The following GRSF1 variants were observed in gnomAD, a reference collection of about 807,000 sequenced individuals.
GRSF1 encodes the protein G-rich RNA sequence binding factor 1, also known as G-rich sequence factor 1.
A neutral mutation model predicts 51.1 loss-of-function variants in GRSF1; 50 were observed. The ratio of observed to expected loss-of-function variants is 0.98; its 90% confidence interval spans 0.78 to 1.24. GRSF1 has a LOEUF of 1.24. Ranked by LOEUF, GRSF1 falls within the 50% of genes most tolerant of loss-of-function variation. The pLI is 0.00. For synonymous variants in GRSF1, 293 were observed against 253.3 expected (o/e 1.16, Z -1.49); for missense variants, 700 against 639.7 (o/e 1.09, Z -1.02).
At chr4:70,835,129 C>CT (rs1005070632) in intron 2 of GRSF1, among the ~76,000 whole-genome samples, 122 of 152,036 alleles carry the variant, frequency 8.0e-4, no homozygotes, top group African/African-American at 2.9e-3. Flanking sequence ...TAATCTCACT[C>CT]TTTGTTATGG....
intron 8 of GRSF1, 42 bp from the exon 9 acceptor site, chr4:70,824,410 G>A (rs189234703): frequency 9.7e-7 from 1 of 1,031,862 alleles, no homozygotes; most frequent in East Asian, 2.6e-5. Flanking sequence ...AGTTGAAAAG[G>A]TAGAAAAATA....
At chr4:70,828,324 G>A (rs1240501957) in intron 5 of GRSF1, among the ~76,000 whole-genome samples, 1 of 152,106 alleles carries the variant, frequency 6.6e-6, no homozygotes, top group Non-Finnish European at 1.5e-5. Context: ...CTATGCTTAA[G>A]TTAATTGTGT....
At position 70,839,338 on chromosome 4, in the gene GRSF1, G is replaced by A. The variant is rs1002712541; in HGVS notation, c.357+133C>T. ...CAATAGGAGCACAGGGTGGACGGGG[G>A]CGGGTGTGCGGCGAGTGTCGCGGAT... On this transcript the variant is annotated intron_variant, in intron 1 of 9. Coordinates refer to ENST00000254799, the MANE Select transcript of GRSF1 (RefSeq NM_002092.4). 14 of 1,504,344 alleles carry A rather than the reference G, an allele frequency of 9.3e-6. No homozygotes were observed. The Admixed American group carries it at 1.6e-4, about 17-fold the overall frequency. 93.2% of individuals were successfully genotyped at this position (1,504,344 alleles called of 1,614,324 possible).
At chr4:70,825,977 A>G (rs1373282899) in intron 7 of GRSF1, 147 bp downstream of exon 7, 5 of 672,000 alleles carry the variant, frequency 7.4e-6, no homozygotes, top group Admixed American at 3.1e-5. Flanking sequence ...CAGAAAAAGA[A>G]GCAAGCTTTG....
chr4:70,839,410 G>C, intron 1 of GRSF1, 61 bp downstream of exon 1: 2 of 1,508,128 alleles, frequency 1.3e-6, no homozygotes, highest in Non-Finnish European at 1.8e-6. Flanking sequence ...GAGGGGCGCG[G>C]GGGCGCGTGC....
Position 70,832,455 on chromosome 4 carries a change from G to C in GRSF1, c.671-5C>G. ...CTTCATTGTTTATCTCATATACTACGAAGAAAAAACCCAACAGGGATGAAA... is the reference window on the plus strand; with the variant it reads ...CTTCATTGTTTATCTCATATACTACCAAGAAAAAACCCAACAGGGATGAAA... On this transcript the variant is annotated splice_region_variant and splice_polypyrimidine_tract_variant and intron_variant, in intron 3 of 9. Coordinates refer to ENST00000254799, the MANE Select transcript of GRSF1 (RefSeq NM_002092.4). The C allele has an allele frequency of 6.3e-7, 1 of 1,582,102 alleles. No individual in the cohort carries two copies. The highest frequency in any genetic ancestry group is 8.7e-7 in the Non-Finnish European group (1 of 1,155,486).
chr4:70,835,731 G>T (rs1404870789), intron 2 of GRSF1, among the ~76,000 whole-genome samples: 1 of 152,228 alleles, frequency 6.6e-6, no homozygotes, highest in South Asian at 2.1e-4. Context: ...GTGAGCCACT[G>T]CGCCTGGCCC....
In GRSF1 at chr4:70,819,128, T is replaced by C. The variant is rs776534619; in HGVS notation, c.*1759A>G. On this transcript the variant is annotated 3_prime_UTR_variant, in exon 10 of 10. Coordinates refer to ENST00000254799, the MANE Select transcript of GRSF1 (RefSeq NM_002092.4). ...CTTTCAACCTTACCCATCCATCATA[T>C]AGCATTTTAATGCTTTGCTTGCATT... 6 of 152,196 alleles carry C rather than the reference T, an allele frequency of 3.9e-5. No individual in the cohort carries two copies. Among genetic ancestry groups the C allele is most frequent in the Non-Finnish European group, 7.3e-5 (5 of 68,036 alleles). 9.4% of individuals were successfully genotyped at this position (152,196 alleles called of 1,614,324 possible).
rs1055985842 is a variant in GRSF1, at chr4:70,833,207, C to A, written c.581G>T (p.Gly194Val). The A allele has an allele frequency of 3.1e-6, 5 of 1,613,752 alleles. No homozygotes were observed. The highest frequency in any genetic ancestry group is 4.2e-6 in the Non-Finnish European group (5 of 1,179,662). ...FLLNRDGKRRGDALIEMESEQ... is the reference protein window; with the variant it reads ...FLLNRDGKRRVDALIEMESEQ... ...TGACTCCATTTCAATTAAGGCATCA[C>A]CCCTTCGTTTCCCATCTCTGTTTAG... Residue 194 changes from glycine (G) to valine (V), a missense_variant, in exon 3 of 10, where the codon GGT becomes GTT. Gly to Val is a moderately radical substitution (Grantham distance 109, BLOSUM62 -3). Coordinates refer to ENST00000254799, the MANE Select transcript of GRSF1 (RefSeq NM_002092.4).
At chr4:70,825,261 C>T (rs1733689695) in intron 8 of GRSF1, 35 bp downstream of exon 8, 3 of 1,540,356 alleles carry the variant, frequency 1.9e-6, no homozygotes, top group Non-Finnish European at 2.7e-6. Context: ...AGACAAGCAT[C>T]AAAAATGACA....
At chr4:70,830,813 A>G (rs184418785) in intron 5 of GRSF1, among the ~76,000 whole-genome samples, 1 of 151,618 alleles carries the variant, frequency 6.6e-6, no homozygotes, top group African/African-American at 2.4e-5. Context: ...GCAGAGTGAA[A>G]CTCCGTTGCC....
rs531177506 is a variant in GRSF1, at chr4:70,839,435, G to A, written c.357+36C>T. 229 of 1,486,702 alleles carry A rather than the reference G, an allele frequency of 1.5e-4. 1 individual carries two copies. Among genetic ancestry groups the A allele is most frequent in the Middle Eastern group, 2.0e-4 (1 of 4,968 alleles). The allele number at this position is 1,486,702 out of a possible 1,614,324, so 92.1% of individuals were successfully genotyped here. ...GGGGCGCGTGCACGCGGCCCGGGAGGGATCTCGCGCCAGGTCCCTCACGGC... is the reference window on the plus strand; with the variant it reads ...GGGGCGCGTGCACGCGGCCCGGGAGAGATCTCGCGCCAGGTCCCTCACGGC... On this transcript the variant is annotated intron_variant, in intron 1 of 9. Transcript: ENST00000254799.
intron 5 of GRSF1, among the ~76,000 whole-genome samples, chr4:70,828,603 C>T (rs1343353498): frequency 3.3e-5 from 5 of 152,040 alleles, no homozygotes; most frequent in African/African-American, 7.2e-5. Context: ...GGGTTTCTTG[C>T]TGTCACCCAA....
At chr4:70,842,014 T>A (rs1734469841), upstream of GRSF1, among the ~76,000 whole-genome samples, 1 of 152,076 alleles carries the variant, frequency 6.6e-6, no homozygotes, top group African/African-American at 2.4e-5. Context: ...CCCAGAAATG[T>A]CCAAGACAGC....
chr4:70,833,417 C>T lies in GRSF1; in HGVS notation c.515-144G>A. ...CACAAATCCCCATCACTGAAGTCATCCAAACACCAATAAGGATTTAGTCTC... is the reference window on the plus strand; with the variant it reads ...CACAAATCCCCATCACTGAAGTCATTCAAACACCAATAAGGATTTAGTCTC... On this transcript the variant is annotated intron_variant, in intron 2 of 9. Transcript: ENST00000254799. 3 of 680,310 alleles carry T rather than the reference C, an allele frequency of 4.4e-6. No individual in the cohort carries two copies. The South Asian group carries it at 5.7e-5, about 13-fold the overall frequency. 42.1% of individuals were successfully genotyped at this position (680,310 alleles called of 1,614,324 possible).
chr4:70,836,621 T>C (rs1358423493), intron 1 of GRSF1, among the ~76,000 whole-genome samples: 1 of 152,138 alleles, frequency 6.6e-6, no homozygotes, highest in East Asian at 1.9e-4. Flanking sequence ...TCCTGACAAT[T>C]TGACAAATAT....
rs1733434838 is a variant in GRSF1, at chr4:70,819,775, G to C, written c.*1112C>G. 1 of 152,634 alleles carries C rather than the reference G, an allele frequency of 6.6e-6. No homozygotes were observed. The highest frequency in any genetic ancestry group is 2.1e-4 in the South Asian group (1 of 4,832). 9.5% of individuals were successfully genotyped at this position (152,634 alleles called of 1,614,324 possible). On this transcript the variant is annotated 3_prime_UTR_variant, in exon 10 of 10. Coordinates refer to ENST00000254799, the MANE Select transcript of GRSF1 (RefSeq NM_002092.4). ...AGGATTTTGATTCTCCTACACAGGT[G>C]CACATAAAGTTAGTTTATTAATGAC...
rs1277513116 is a variant in GRSF1 at position 70,817,603 on chromosome 4, G to C, written c.*3284C>G. On this transcript the variant is annotated 3_prime_UTR_variant, in exon 10 of 10. Coordinates refer to ENST00000254799, the MANE Select transcript of GRSF1 (RefSeq NM_002092.4). ...CCACTATTCACCCATTAGCTAAAATGCAAGAGTGACATCACCAAATACTAA... is the reference window on the plus strand; with the variant it reads ...CCACTATTCACCCATTAGCTAAAATCCAAGAGTGACATCACCAAATACTAA... 3 of 152,182 alleles carry C rather than the reference G, an allele frequency of 2.0e-5. No individual in the cohort carries two copies. Among genetic ancestry groups the C allele is most frequent in the Non-Finnish European group, 4.4e-5 (3 of 68,030 alleles). The allele number at this position is 152,182 out of a possible 1,614,324, so 9.4% of individuals were successfully genotyped here. A position where few individuals can be genotyped will look rare whatever the true frequency, so the allele number is the denominator to read the frequency against.
At position 70,826,132 on chromosome 4, in the gene GRSF1, T is replaced by C. The variant is rs1173076227; in HGVS notation, c.1249A>G (p.Ile417Val). Residue 417 changes from isoleucine to valine, a missense_variant, in exon 7 of 10, where the codon ATT becomes GTT. Physicochemically the swap from Ile to Val is conservative, Grantham distance 29. Transcript: ENST00000254799. Reference protein sequence around the residue: ...GLPFQANAQDIINFFAPLKPV... With the variant: ...GLPFQANAQDVINFFAPLKPV... ...ATCTTACTGCCACACACGTTTATAA[T>C]GTCTTGGGCATTGGCTTGGAAAGGT... The C allele has an allele frequency of 9.9e-6, 16 of 1,610,454 alleles. No homozygotes were observed. Among genetic ancestry groups the C allele is most frequent in the East Asian group, 4.5e-5 (2 of 44,834 alleles).
Sources: gnomAD v4.1 joint callset for allele counts (sites outside exome capture counted in the v4.1 genomes callset) on GRCh38, gnomAD v4.1.1 for gene constraint, MANE v1.5 for transcripts, NCBI Gene and HGNC (gene_info 2026-07-23, HGNC 2026-07-21) for gene names.